The following IL20RA variants were observed in gnomAD, a reference collection of about 807,000 sequenced individuals.
The protein encoded by IL20RA is interleukin-20 receptor subunit alpha.
IL20RA carries 29 observed loss-of-function variants against 36.5 expected under a neutral mutation model. The ratio of observed to expected loss-of-function variants is 0.79; its 90% confidence interval spans 0.59 to 1.08. The LOEUF is 1.08. Among genes scored for constraint, IL20RA ranks in the 50% least tolerant of loss-of-function variants. IL20RA has a pLI of 0.00. For missense variants in IL20RA, 652 were observed against 668.4 expected (o/e 0.98, Z 0.27); for synonymous variants, 279 against 267.1 (o/e 1.04, Z -0.43).
At chr6:137,043,189 G>A (rs1211603336) in intron 1 of IL20RA, among the ~76,000 whole-genome samples, 1 of 152,152 alleles carries the variant, frequency 6.6e-6, no homozygotes, top group Non-Finnish European at 1.5e-5. Context: ...ACTCACTGCA[G>A]TCTGGAACTC....
Position 137,002,295 on chromosome 6 carries a change from T to C in IL20RA, c.925A>G (p.Ile309Val). 6.2e-7 allele frequency: 1 copy of C among 1,609,386 alleles called. No homozygotes were observed. Among genetic ancestry groups the C allele is most frequent in the Non-Finnish European group, 8.5e-7 (1 of 1,178,714 alleles). Residue 309 changes from isoleucine to valine, a missense_variant, in exon 7 of 7, where the codon ATT (isoleucine) becomes GTT (valine). Transcript: ENST00000316649. ...GAGATATTGAGGGTGATAAAGTTAA[T>C]CACGATTTTTTCAGCAGGCACAAAG... ...RFFVPAEKIV[I>V]NFITLNISDD...
intron 1 of IL20RA, among the ~76,000 whole-genome samples, chr6:137,017,357 A>G (rs1775736528): frequency 6.6e-6 from 1 of 152,176 alleles, no homozygotes; most frequent in African/African-American, 2.4e-5. Context: ...ATGTTGAGAG[A>G]TTGCACGAAG....
rs184275635 is a variant in IL20RA at position 137,033,975 on chromosome 6, A to G, written c.88+10666T>C. Among the ~76,000 whole-genome samples, 886 of 152,310 alleles carry G rather than the reference A, an allele frequency of 5.8e-3. 13 individuals are homozygous for G. The highest frequency in any genetic ancestry group is 0.041 in the Admixed American group (626 of 15,304). ...ACAGTTCCTTTGATGTTGTTCATGA[A>G]AGTTAACAGAGTCCTTAAAGGACTG... On this transcript the variant is annotated intron_variant, in intron 1 of 6. Transcript: ENST00000316649.
At chr6:137,034,913 C>G (rs1459988072) in intron 1 of IL20RA, among the ~76,000 whole-genome samples, 2 of 150,072 alleles carry the variant, frequency 1.3e-5, no homozygotes, top group Non-Finnish European at 2.9e-5. Context: ...CCACTGCACT[C>G]CAGCCTGGGT....
In IL20RA at chr6:137,002,041, G is replaced by C. The variant is rs767017950; in HGVS notation, c.1179C>G (p.Pro393=). 12 of 1,614,000 alleles carry C rather than the reference G, an allele frequency of 7.4e-6. No homozygotes were observed. Among genetic ancestry groups the C allele is most frequent in the Admixed American group, 1.7e-5 (1 of 59,992 alleles). The change falls in exon 7 of 7, where the codon CCC becomes CCG. Residue 393 remains proline (P), a synonymous_variant. Coordinates refer to ENST00000316649, the MANE Select transcript of IL20RA (RefSeq NM_014432.4). ...TQQESLSRTI[P]PDKTVIEYEY... ...CATATTCAATGACTGTTTTATCCGGGGGTATTGTTCTGCTGAGGGACTCTT... is the reference window on the plus strand; with the variant it reads ...CATATTCAATGACTGTTTTATCCGGCGGTATTGTTCTGCTGAGGGACTCTT...
chr6:137,030,427 T>C (rs1254890545), intron 1 of IL20RA, among the ~76,000 whole-genome samples: 1 of 152,088 alleles, frequency 6.6e-6, no homozygotes, highest in Non-Finnish European at 1.5e-5. Context: ...TTCAGTAAGC[T>C]GAAAAGCAAC....
At chr6:137,026,116 A>G (rs1019515949) in intron 1 of IL20RA, among the ~76,000 whole-genome samples, 2 of 152,206 alleles carry the variant, frequency 1.3e-5, no homozygotes, top group East Asian at 1.9e-4. Flanking sequence ...CTTATGACCA[A>G]CTGGGGCAGC....
At chr6:137,022,241 C>A (rs1337545390) in intron 1 of IL20RA, among the ~76,000 whole-genome samples, 1 of 152,080 alleles carries the variant, frequency 6.6e-6, no homozygotes, top group Non-Finnish European at 1.5e-5. Context: ...CCTTTTCCTG[C>A]CAGAATATGT....
At position 137,004,159 on chromosome 6, in the gene IL20RA, C is replaced by CGT. The variant is rs531501235; in HGVS notation, c.864+461_864+462insAC. Among the ~76,000 whole-genome samples the CGT allele has an allele frequency of 8.9e-4, 78 of 88,002 alleles. 32 individuals carry two copies. The highest frequency in any genetic ancestry group is 7.5e-4 in the South Asian group (2 of 2,654). 57.7% of individuals were successfully genotyped at this position (88,002 alleles called of 152,430 possible). On this transcript the variant is annotated intron_variant, in intron 6 of 6. Transcript: ENST00000316649. Reference sequence around the variant, plus strand: ...TCTGTTAGTCAGCTAATCCAGAAAGCTTTTTTTTTTTTTTTTTTTTTTTTT... The same window carrying CGT: ...TCTGTTAGTCAGCTAATCCAGAAAGCGTTTTTTTTTTTTTTTTTTTTTTTTTT...
chr6:137,024,462 TATTTGAGATTTCAC>T (rs1448432544), intron 1 of IL20RA, among the ~76,000 whole-genome samples: 1 of 152,252 alleles, frequency 6.6e-6, no homozygotes, highest in Non-Finnish European at 1.5e-5. Flanking sequence ...TTCTCTGAGA[TATTTGAGATTTCAC>T]ATCCCAAATT....
intron 1 of IL20RA, among the ~76,000 whole-genome samples, chr6:137,020,678 A>T (rs1004865105): frequency 2.0e-5 from 3 of 151,884 alleles, no homozygotes; most frequent in African/African-American, 7.2e-5. Flanking sequence ...AACTTTTTGA[A>T]TTTTTTTTTA....
chr6:137,012,749 T>G (rs553184784), intron 2 of IL20RA, among the ~76,000 whole-genome samples: 19 of 152,256 alleles, frequency 1.2e-4, no homozygotes, highest in Admixed American at 3.3e-4. Flanking sequence ...GAAAAAAATA[T>G]CATAAAGGTC....
intron 3 of IL20RA, among the ~76,000 whole-genome samples, chr6:137,010,496 G>A (rs1193291152): frequency 6.0e-5 from 2 of 33,308 alleles, no homozygotes; most frequent in Non-Finnish European, 2.6e-3. Flanking sequence ...CAGAAAGGGT[G>A]TTGTTGGATT....
intron 1 of IL20RA, chr6:137,044,286 G>A (rs1776816974): frequency 2.0e-6 from 2 of 1,004,426 alleles, no homozygotes; most frequent in African/African-American, 1.7e-5. Flanking sequence ...GCCGGCGAGG[G>A]GCCCCGCATG....
chr6:137,021,347 TATC>T (rs1201736977), intron 1 of IL20RA, among the ~76,000 whole-genome samples: 1 of 152,080 alleles, frequency 6.6e-6, no homozygotes, highest in Admixed American at 6.6e-5. Context: ...CTGGAAATGG[TATC>T]ATATATTTGG....
At position 137,009,098 on chromosome 6, in the gene IL20RA, A is replaced by G. The variant is rs1775379615; in HGVS notation, c.579+219T>C. 2.5e-5 allele frequency: 15 copies of G among 608,086 alleles called. No homozygotes were observed. In the South Asian group the frequency reaches 2.7e-4, roughly 11 times the overall value. 37.7% of individuals were successfully genotyped at this position (608,086 alleles called of 1,614,324 possible). A position where few individuals can be genotyped will look rare whatever the true frequency, so the allele number is the denominator to read the frequency against. On this transcript the variant is annotated intron_variant, in intron 4 of 6. Transcript: ENST00000316649. Reference sequence around the variant, plus strand: ...AAGTGTACAATCTCTCTACACTCCAATAACAACACCATATCCTGTCAACAG... The same window carrying G: ...AAGTGTACAATCTCTCTACACTCCAGTAACAACACCATATCCTGTCAACAG...
rs1276892290 is a variant in IL20RA, at chr6:137,000,223, G to T, written c.*1335C>A. 2 of 152,166 alleles carry T rather than the reference G, an allele frequency of 1.3e-5. No homozygotes were observed. The highest frequency in any genetic ancestry group is 6.5e-5 in the Admixed American group (1 of 15,278). The allele number at this position is 152,166 out of a possible 1,614,324, so 9.4% of individuals were successfully genotyped here. The stretch of plus-strand genomic sequence containing the variant: ...CCCAGAATCCATCTCTCCTACCAGG[G>T]TTGTCTGCCTGTACCAATAATATCA... On this transcript the variant is annotated 3_prime_UTR_variant, in exon 7 of 7. Transcript: ENST00000316649.
intron 1 of IL20RA, 186 bp downstream of exon 1, chr6:137,044,455 G>A (rs907542990): frequency 1.4e-5 from 12 of 834,802 alleles, no homozygotes; most frequent in South Asian, 1.2e-4. Flanking sequence ...GCGACGGCGA[G>A]TGTCCCCCGG....
chr6:137,041,700 G>A lies in IL20RA; in HGVS notation c.88+2941C>T, dbSNP rs140454728. ...ATTCTAATAAGCATAGTTGTTGTTTGGTATTTAGACTGCAATCTAAAGCTC... is the reference window on the plus strand; with the variant it reads ...ATTCTAATAAGCATAGTTGTTGTTTAGTATTTAGACTGCAATCTAAAGCTC... On this transcript the variant is annotated intron_variant, in intron 1 of 6. Coordinates refer to ENST00000316649, the MANE Select transcript of IL20RA (RefSeq NM_014432.4). Among the ~76,000 whole-genome samples, 264 of 151,934 alleles carry A rather than the reference G, an allele frequency of 1.7e-3. 2 individuals carry two copies. In the South Asian group the frequency reaches 0.037, roughly 21 times the overall value.
Sources: allele counts gnomAD v4.1 joint callset (sites outside exome capture counted in the v4.1 genomes callset), GRCh38; gene constraint gnomAD v4.1.1; transcripts MANE v1.5; gene names NCBI Gene and HGNC (gene_info 2026-07-23, HGNC 2026-07-21).